The following TRAPPC9 variants were observed in gnomAD, a reference collection of about 807,000 sequenced individuals.
The protein encoded by TRAPPC9 is trafficking protein particle complex subunit 9.
TRAPPC9 carries 83 observed loss-of-function variants against 124.0 expected under a neutral mutation model. That is an observed-to-expected ratio of 0.67 (90% CI 0.56 to 0.80). TRAPPC9 has a LOEUF of 0.80. TRAPPC9 is among the 30% of genes least tolerant of loss of function. The pLI, the probability that TRAPPC9 is intolerant of heterozygous loss-of-function variation, is 0.00. For synonymous variants in TRAPPC9, 638 were observed against 617.5 expected, an observed-to-expected ratio of 1.03 and a Z score of -0.49; for missense variants, 1,302 against 1,508.3, an observed-to-expected ratio of 0.86 and a Z score of 2.27.
chr8:139,919,291 C>T (rs1489571599), intron 19 of TRAPPC9, among the ~76,000 whole-genome samples: 1 of 152,164 alleles, frequency 6.6e-6, no homozygotes, highest in Non-Finnish European at 1.5e-5. Context: ...CGTGGATCTC[C>T]TATATTGCAG....
intron 9 of TRAPPC9, among the ~76,000 whole-genome samples, chr8:140,324,959 C>G (rs560816776): frequency 6.6e-6 from 1 of 151,880 alleles, no homozygotes; most frequent in South Asian, 2.1e-4. Flanking sequence ...AAATGCCACA[C>G]CATAAAACAC....
At position 140,115,468 on chromosome 8, in the gene TRAPPC9, C is replaced by T. The variant is rs192150790; in HGVS notation, c.2557-91389G>A. On this transcript the variant is annotated intron_variant, in intron 17 of 22. Coordinates refer to ENST00000438773, the MANE Select transcript of TRAPPC9 (RefSeq NM_001160372.4). ...ATTTTTAGTAGAGACGGGGTTTCACCGTCTTGACCAGGCTGGTCTTGAACT... is the reference window on the plus strand; with the variant it reads ...ATTTTTAGTAGAGACGGGGTTTCACTGTCTTGACCAGGCTGGTCTTGAACT... 2.1e-3 allele frequency among the ~76,000 whole-genome samples: 313 copies of T among 152,110 alleles called. 1 individual carries two copies. Among genetic ancestry groups the T allele is most frequent in the South Asian group, 9.6e-3 (46 of 4,814 alleles).
At position 140,257,249 on chromosome 8, in the gene TRAPPC9, G is replaced by A. The variant is rs1023416207; in HGVS notation, c.2279-4320C>T. ...GGGTACAAAGCTAGGATGTCCCAGA[G>A]TCAAGAGGTGAACCCTGGCCCTCAC... On this transcript the variant is annotated intron_variant, in intron 15 of 22. Transcript: ENST00000438773. The surrounding 1 kb of genome is among the most constrained non-coding windows in gnomAD (Gnocchi z 4.6). Among the ~76,000 whole-genome samples, 3 of 152,240 alleles carry A rather than the reference G, an allele frequency of 2.0e-5. No individual in the cohort carries two copies. The highest frequency in any genetic ancestry group is 3.2e-3 in the Middle Eastern group (1 of 316).
intron 9 of TRAPPC9, among the ~76,000 whole-genome samples, chr8:140,335,021 A>G (rs1217522898): frequency 6.6e-6 from 1 of 152,170 alleles, no homozygotes; most frequent in Non-Finnish European, 1.5e-5. Flanking sequence ...ACATGGATAG[A>G]AAAAGTATGC....
intron 19 of TRAPPC9, among the ~76,000 whole-genome samples, chr8:139,959,252 G>C (rs947443976): frequency 6.6e-6 from 1 of 152,248 alleles, no homozygotes; most frequent in African/African-American, 2.4e-5. Flanking sequence ...GAAGTATTTA[G>C]GTGAAGTTCC....
intron 19 of TRAPPC9, among the ~76,000 whole-genome samples, chr8:139,945,286 T>C (rs1032384776): frequency 2.0e-5 from 3 of 152,138 alleles, no homozygotes; most frequent in African/African-American, 7.2e-5. Context: ...ATGCTTGTAT[T>C]ACCATACTGG....
At chr8:139,977,478 C>T (rs1049055743) in intron 19 of TRAPPC9, among the ~76,000 whole-genome samples, 3 of 151,524 alleles carry the variant, frequency 2.0e-5, no homozygotes, top group South Asian at 2.1e-4. Flanking sequence ...ATTAGCCGGG[C>T]GTGGTGGCGG....
intron 21 of TRAPPC9, among the ~76,000 whole-genome samples, chr8:139,754,616 T>G (rs546504046): frequency 8.5e-5 from 13 of 152,084 alleles, no homozygotes; most frequent in Non-Finnish European, 1.6e-4. Context: ...CCATCCCAAC[T>G]CCCATGGGTC....
At chr8:140,030,299 A>G (rs1840422765) in intron 17 of TRAPPC9, among the ~76,000 whole-genome samples, 2 of 152,342 alleles carry the variant, frequency 1.3e-5, no homozygotes, top group Admixed American at 1.3e-4. Context: ...GTCCAGAAAC[A>G]AAGGGCATAC....
chr8:140,082,911 T>C (rs560203440), intron 17 of TRAPPC9, among the ~76,000 whole-genome samples: 30 of 152,270 alleles, frequency 2.0e-4, no homozygotes, highest in African/African-American at 7.0e-4. Context: ...AATGTTCACA[T>C]TGGCCAGGCG....
intron 15 of TRAPPC9, among the ~76,000 whole-genome samples, chr8:140,270,430 T>A (rs2064841399): frequency 6.6e-6 from 1 of 152,200 alleles, no homozygotes; most frequent in African/African-American, 2.4e-5. Flanking sequence ...CCACCAAATG[T>A]CTTTCCGTCA....
intron 9 of TRAPPC9, among the ~76,000 whole-genome samples, chr8:140,312,394 TA>T (rs899764244): frequency 3.3e-5 from 5 of 152,198 alleles, no homozygotes; most frequent in Non-Finnish European, 7.3e-5. Context: ...TCTACTGTGC[TA>T]CCACCTTAGG....
chr8:140,358,665 G>A (rs1563971534), intron 9 of TRAPPC9, among the ~76,000 whole-genome samples: 1 of 152,238 alleles, frequency 6.6e-6, no homozygotes, highest in Non-Finnish European at 1.5e-5. Flanking sequence ...TGAAAACAGA[G>A]AAGCACGAAA....
At chr8:140,148,544 T>C (rs1277884350) in intron 17 of TRAPPC9, among the ~76,000 whole-genome samples, 3 of 152,182 alleles carry the variant, frequency 2.0e-5, no homozygotes, top group Non-Finnish European at 4.4e-5. Context: ...ATAGTCCACA[T>C]TGAAGCTCAG....
intron 17 of TRAPPC9, among the ~76,000 whole-genome samples, chr8:140,153,818 G>C (rs2061586849): frequency 1.3e-5 from 2 of 152,264 alleles, no homozygotes; most frequent in South Asian, 4.1e-4. Flanking sequence ...GGGTATCAAA[G>C]ATTCTCCAGG....
At chr8:140,233,371 A>AT (rs1431772622) in intron 16 of TRAPPC9, among the ~76,000 whole-genome samples, 5 of 151,732 alleles carry the variant, frequency 3.3e-5, no homozygotes, top group African/African-American at 4.8e-5. Flanking sequence ...CGCCCAGCTA[A>AT]TTTTTTGTGT....
At chr8:140,099,543 C>T (rs1354043989) in intron 17 of TRAPPC9, 1 of 151,126 alleles carries the variant, frequency 6.6e-6, no homozygotes, top group Non-Finnish European at 1.5e-5. Flanking sequence ...CGCCCAGATC[C>T]TCCGCAGCCG....
intron 21 of TRAPPC9, among the ~76,000 whole-genome samples, chr8:139,863,151 A>T (rs1009071049): frequency 2.0e-5 from 3 of 152,254 alleles, no homozygotes; most frequent in African/African-American, 7.2e-5. Flanking sequence ...GCAAAGTGGC[A>T]GAAGCCAGGA....
chr8:140,156,967 A>G (rs1032767002), intron 17 of TRAPPC9, among the ~76,000 whole-genome samples: 21 of 135,600 alleles, frequency 1.5e-4, no homozygotes, highest in African/African-American at 6.0e-4. Flanking sequence ...TCCCTTTTCC[A>G]TTCAAAAGCC....
Sources: gnomAD v4.1 joint callset for allele counts (sites outside exome capture counted in the v4.1 genomes callset) on GRCh38, gnomAD v4.1.1 for gene constraint, Gnocchi (gnomAD v3.1) non-coding constraint, MANE v1.5 for transcripts, NCBI Gene and HGNC (gene_info 2026-07-23, HGNC 2026-07-21) for gene names.